Variants in RBFOX1 observed in about 807,000 individuals in gnomAD.
RBFOX1 encodes the protein RNA binding protein fox-1 homolog 1.
Under a neutral mutation model 57.7 loss-of-function variants are expected in RBFOX1, and 8 were observed. That is an observed-to-expected ratio of 0.14 (90% CI 0.08 to 0.25). The LOEUF (loss-of-function observed/expected upper bound fraction) is 0.25. Among genes scored for constraint, RBFOX1 ranks in the 10% least tolerant of loss-of-function variants. The probability of loss-of-function intolerance (pLI) is 1.00; values close to 1 mark genes in which losing one functional copy is unlikely to be tolerated. For synonymous variants in RBFOX1, 326 were observed against 222.4 expected (o/e 1.47, Z -4.15); for missense variants, 611 against 548.5 (o/e 1.11, Z -1.14).
chr16:7,359,941 G>A (rs912799811), intron 4 of RBFOX1, among the ~76,000 whole-genome samples: 25 of 149,438 alleles, frequency 1.7e-4, no homozygotes, highest in Non-Finnish European at 2.5e-4. Context: ...CCGAGATCGC[G>A]CCACTGCACT....
chr16:6,521,398 C>A (rs932134357), intron 2 of RBFOX1, among the ~76,000 whole-genome samples: 1 of 151,384 alleles, frequency 6.6e-6, no homozygotes, highest in Non-Finnish European at 1.5e-5. Flanking sequence ...CCCTCTCTCC[C>A]TCCCTTCCTC....
At position 6,983,461 on chromosome 16, in the gene RBFOX1, T is replaced by A. The variant is rs187766151; in HGVS notation, c.-15-68596T>A. ...CCGACTTGCTGGCTTTTTTTTTTTT[T>A]AATAGGATTATGGAAGATGAAAAGG... is the stretch of plus-strand genomic sequence containing the variant. On this transcript the variant is annotated intron_variant, in intron 3 of 15. Coordinates refer to ENST00000550418, the MANE Select transcript of RBFOX1 (RefSeq NM_018723.4). Among the ~76,000 whole-genome samples the A allele has an allele frequency of 2.3e-3, 348 of 151,802 alleles. 3 individuals carry two copies. The highest frequency in any genetic ancestry group is 0.021 in the East Asian group (109 of 5,176).
intron 4 of RBFOX1, among the ~76,000 whole-genome samples, chr16:7,461,272 A>G (rs1338003933): frequency 1.3e-5 from 2 of 151,852 alleles, no homozygotes; most frequent in Non-Finnish European, 2.9e-5. Context: ...GGTTCAAGCG[A>G]TTCTCCTGCC....
rs146076424 is a variant in RBFOX1, at chr16:5,621,230, A to G, written c.318+22269A>G. On this transcript the variant is annotated intron_variant, in intron 3 of 19. Transcript: ENST00000641259. ...CGGCTCATGGGATCTTCCCACCTCA[A>G]CCTCCCAAAGTACTGGGATAACAGG... Among the ~76,000 whole-genome samples the G allele has an allele frequency of 4.6e-3, 702 of 151,854 alleles. 3 individuals are homozygous for G. Among genetic ancestry groups the G allele is most frequent in the African/African-American group, 0.016 (670 of 41,384 alleles).
At chr16:6,611,903 C>G (rs986874376) in intron 2 of RBFOX1, among the ~76,000 whole-genome samples, 4 of 152,158 alleles carry the variant, frequency 2.6e-5, no homozygotes, top group East Asian at 1.9e-4. Context: ...GACACCTCCT[C>G]TTCCCATTGG....
At chr16:6,935,124 T>C (rs2077159606) in intron 3 of RBFOX1, among the ~76,000 whole-genome samples, 2 of 152,098 alleles carry the variant, frequency 1.3e-5, no homozygotes, top group South Asian at 4.1e-4. Flanking sequence ...ACAGCTTATT[T>C]AACCTATTCG....
rs542434124 is a variant in RBFOX1, at chr16:5,568,508, C to T, written c.259-30394C>T. 7.9e-5 allele frequency among the ~76,000 whole-genome samples: 12 copies of T among 152,192 alleles called. No individual in the cohort carries two copies. The East Asian group carries it at 1.7e-3, about 22-fold the overall frequency. ...TTCGTCAAGATGGAGCAGAGAGCAGCGTAAAGGTCACCAAGATAAGCGCGC... is the reference window on the plus strand; with the variant it reads ...TTCGTCAAGATGGAGCAGAGAGCAGTGTAAAGGTCACCAAGATAAGCGCGC... On this transcript the variant is annotated intron_variant, in intron 2 of 2. Coordinates refer to the RBFOX1 transcript ENST00000585867.
chr16:7,297,979 CCA>C (rs1309512447), intron 4 of RBFOX1, among the ~76,000 whole-genome samples: 1 of 152,124 alleles, frequency 6.6e-6, no homozygotes, highest in Non-Finnish European at 1.5e-5. Context: ...CTATATGCAT[CCA>C]CACACATGTT....
Position 5,955,370 on chromosome 16 carries a change from A to ATAAATAAAAT in RBFOX1, c.351+88039_351+88040insTAAAATTAAA, listed in dbSNP as rs2059614696. On this transcript the variant is annotated intron_variant, in intron 4 of 19. Transcript: ENST00000641259. ...ATAAAATAAATAAAAATAAAATAAA[A>ATAAATAAAAT]TAAAATAAAATAAAATAAAATAAAA... is the stretch of plus-strand genomic sequence containing the variant. 2.0e-4 allele frequency among the ~76,000 whole-genome samples: 9 copies of ATAAATAAAAT among 45,552 alleles called. 1 individual carries two copies. Among genetic ancestry groups the ATAAATAAAAT allele is most frequent in the African/African-American group, 1.0e-3 (9 of 8,934 alleles). 29.9% of individuals were successfully genotyped at this position (45,552 alleles called of 152,430 possible). A position where few individuals can be genotyped will look rare whatever the true frequency, so the allele number is the denominator to read the frequency against.
chr16:7,413,409 C>T (rs2098448536), intron 4 of RBFOX1, among the ~76,000 whole-genome samples: 1 of 152,088 alleles, frequency 6.6e-6, no homozygotes, highest in Non-Finnish European at 1.5e-5. Flanking sequence ...GCCTTGACCC[C>T]CAGAGTTCCT....
chr16:6,209,483 C>G (rs147698534), intron 1 of RBFOX1, among the ~76,000 whole-genome samples: 119 of 152,318 alleles, frequency 7.8e-4, no homozygotes, highest in African/African-American at 2.3e-3. Context: ...ATCTAATACA[C>G]GTAACCTCTC....
At chr16:7,574,853 C>G (rs546719214) in intron 5 of RBFOX1, among the ~76,000 whole-genome samples, 53 of 152,264 alleles carry the variant, frequency 3.5e-4, no homozygotes, top group African/African-American at 1.2e-3. Context: ...TCCTCCTTCT[C>G]CTAGACCTGC....
chr16:6,405,593 C>T (rs947285994), intron 2 of RBFOX1, among the ~76,000 whole-genome samples: 3 of 152,098 alleles, frequency 2.0e-5, no homozygotes, highest in African/African-American at 7.2e-5. Context: ...CCCCACCTAA[C>T]AAGGTGGAAT....
chr16:7,073,518 A>G (rs945729325), intron 4 of RBFOX1, among the ~76,000 whole-genome samples: 10 of 152,120 alleles, frequency 6.6e-5, no homozygotes, highest in African/African-American at 1.7e-4. Context: ...AATCCACACA[A>G]TTGAAATGTC....
At chr16:7,155,488 T>C (rs1044096931) in intron 4 of RBFOX1, among the ~76,000 whole-genome samples, 4 of 151,374 alleles carry the variant, frequency 2.6e-5, no homozygotes, top group African/African-American at 9.7e-5. Context: ...CTCAGCTCCT[T>C]GGGAGGCTAA....
chr16:6,049,148 G>A (rs1349861586), intron 1 of RBFOX1, among the ~76,000 whole-genome samples: 3 of 145,190 alleles, frequency 2.1e-5, no homozygotes, highest in African/African-American at 5.2e-5. Flanking sequence ...CTGCAACCTC[G>A]GCTTTCTGGG....
chr16:6,542,307 T>C (rs2096831857), intron 2 of RBFOX1, among the ~76,000 whole-genome samples: 7 of 151,916 alleles, frequency 4.6e-5, no homozygotes, highest in Admixed American at 4.6e-4. Context: ...CTTTTCTCTT[T>C]CTTGAGTAGC....
intron 3 of RBFOX1, among the ~76,000 whole-genome samples, chr16:6,995,752 C>T (rs1287399707): frequency 6.6e-6 from 1 of 151,930 alleles, no homozygotes; most frequent in East Asian, 1.9e-4. Context: ...TAGAGTGAGA[C>T]TCCATCTTAA....
At chr16:5,261,255 A>C (rs771908654) in intron 1 of RBFOX1, among the ~76,000 whole-genome samples, 2 of 152,160 alleles carry the variant, frequency 1.3e-5, no homozygotes, top group Non-Finnish European at 2.9e-5. Context: ...TCTGTTCTGC[A>C]ATCATAGTCC....
Sources: allele counts gnomAD v4.1 joint callset (sites outside exome capture counted in the v4.1 genomes callset), GRCh38; gene constraint gnomAD v4.1.1; transcripts MANE v1.5; gene names NCBI Gene and HGNC (gene_info 2026-07-23, HGNC 2026-07-21).